Variants in BBS9 observed in about 807,000 individuals in gnomAD.
The protein encoded by BBS9 is protein PTHB1.
Under a neutral mutation model 117.7 loss-of-function variants are expected in BBS9, and 89 were observed. That is an observed-to-expected ratio of 0.76 (90% CI 0.64 to 0.90). The LOEUF (loss-of-function observed/expected upper bound fraction) is 0.90, where lower values mean the gene tolerates loss of function less well. BBS9 is among the 40% of genes least tolerant of loss of function. The probability of loss-of-function intolerance (pLI) is 0.00; values close to 1 mark genes in which losing one functional copy is unlikely to be tolerated. For synonymous variants in BBS9, 379 were observed against 370.9 expected, an observed-to-expected ratio of 1.02 and a Z score of -0.25; for missense variants, 982 against 1,042.2, an observed-to-expected ratio of 0.94 and a Z score of 0.80.
chr7:33,245,031 C>G (rs991981268), intron 5 of BBS9, among the ~76,000 whole-genome samples: 1 of 152,042 alleles, frequency 6.6e-6, no homozygotes, highest in African/African-American at 2.4e-5. Context: ...AGACTTTGTA[C>G]CCAGGCTCTA....
At chr7:33,333,976 T>A (rs1814716616) in intron 9 of BBS9, among the ~76,000 whole-genome samples, 1 of 152,210 alleles carries the variant, frequency 6.6e-6, no homozygotes, top group South Asian at 2.1e-4. Flanking sequence ...TTACCTTAGC[T>A]GTCAAGACAT....
intron 5 of BBS9, among the ~76,000 whole-genome samples, chr7:33,233,376 T>A (rs1418439532): frequency 1.3e-5 from 2 of 152,140 alleles, no homozygotes; most frequent in East Asian, 3.8e-4. Flanking sequence ...AAATAATCTG[T>A]CTAGTATCAT....
intron 21 of BBS9, among the ~76,000 whole-genome samples, chr7:33,569,473 A>G (rs1857421463): frequency 6.6e-6 from 1 of 151,988 alleles, no homozygotes; most frequent in South Asian, 2.1e-4. Flanking sequence ...AAATAAAAAT[A>G]GGCCGGGCGC....
chr7:33,348,557 G>C (rs906248426), intron 12 of BBS9, among the ~76,000 whole-genome samples: 2 of 152,062 alleles, frequency 1.3e-5, no homozygotes, highest in Non-Finnish European at 2.9e-5. Flanking sequence ...ATTTTGGGTG[G>C]ACCTATGTTT....
intron 21 of BBS9, among the ~76,000 whole-genome samples, chr7:33,544,422 G>A (rs747243837): frequency 2.0e-5 from 3 of 152,178 alleles, no homozygotes; most frequent in Non-Finnish European, 2.9e-5. Flanking sequence ...TCCTATGGAT[G>A]TGGCTTTCTG....
chr7:33,377,375 C>T (rs533594100), intron 17 of BBS9, among the ~76,000 whole-genome samples: 2 of 152,200 alleles, frequency 1.3e-5, no homozygotes, highest in Non-Finnish European at 2.9e-5. Context: ...TTCTGTTGGT[C>T]GATTTGTCTG....
intron 2 of BBS9, among the ~76,000 whole-genome samples, chr7:33,148,350 A>G (rs1792750675): frequency 1.3e-5 from 2 of 152,114 alleles, no homozygotes; most frequent in Admixed American, 1.3e-4. Flanking sequence ...TGGGAAGAGT[A>G]GTAGATTCTG....
At chr7:33,239,128 A>G (rs962966410) in intron 5 of BBS9, among the ~76,000 whole-genome samples, 5 of 152,144 alleles carry the variant, frequency 3.3e-5, no homozygotes, top group Non-Finnish European at 5.9e-5. Context: ...ACCAGGTAGT[A>G]TCATTTTTTG....
rs1461390070 is a variant in BBS9 at position 33,611,756 on chromosome 7, ATATTATATAATAT to A, written c.2522-23408_2522-23396del. ...AGGATTATATTTATTCCTTTATATAATATTATATAATATTATTATATAATAATATTATATATGG... is the reference window on the plus strand; with the variant it reads ...AGGATTATATTTATTCCTTTATATAATATTATATAATAATATTATATATGG... On this transcript the variant is annotated intron_variant, in intron 21 of 21. Transcript: ENST00000671952. Among the ~76,000 whole-genome samples the A allele has an allele frequency of 5.2e-3, 726 of 138,676 alleles. 3 individuals carry two copies. The highest frequency in any genetic ancestry group is 8.9e-3 in the Non-Finnish European group (579 of 65,248). 91.0% of individuals were successfully genotyped at this position (138,676 alleles called of 152,430 possible).
intron 21 of BBS9, among the ~76,000 whole-genome samples, chr7:33,634,631 G>GCTGTGTCAC (rs1866055966): frequency 6.6e-6 from 1 of 152,112 alleles, no homozygotes. Flanking sequence ...CCAGGCCCAG[G>GCTGTGTCAC]CTGTGTCACG....
intron 17 of BBS9, among the ~76,000 whole-genome samples, chr7:33,369,408 C>T (rs915037084): frequency 1.3e-5 from 2 of 152,058 alleles, no homozygotes; most frequent in Non-Finnish European, 2.9e-5. Flanking sequence ...CCTGATGTTG[C>T]CCACGATTAC....
chr7:33,167,958 TAAC>T (rs1312437663), intron 4 of BBS9, among the ~76,000 whole-genome samples: 1 of 152,202 alleles, frequency 6.6e-6, no homozygotes, highest in Non-Finnish European at 1.5e-5. Flanking sequence ...TATAATAACA[TAAC>T]AACCATAAAT....
At chr7:33,492,270 A>C (rs1844090972) in intron 19 of BBS9, among the ~76,000 whole-genome samples, 2 of 151,826 alleles carry the variant, frequency 1.3e-5, no homozygotes, top group South Asian at 4.2e-4. Flanking sequence ...ATAATAAATA[A>C]TAATAATAAT....
At chr7:33,338,515 A>G (rs1815845916) in intron 10 of BBS9, among the ~76,000 whole-genome samples, 1 of 152,174 alleles carries the variant, frequency 6.6e-6, no homozygotes, top group African/African-American at 2.4e-5. Flanking sequence ...CAGTACTTAA[A>G]GCTTTTAAAA....
At chr7:33,185,377 A>G (rs1798676616) in intron 5 of BBS9, among the ~76,000 whole-genome samples, 1 of 152,154 alleles carries the variant, frequency 6.6e-6, no homozygotes, top group Admixed American at 6.5e-5. Context: ...CTTTTTACAT[A>G]AATCTTTATC....
At chr7:33,209,588 T>C (rs889400340) in intron 5 of BBS9, among the ~76,000 whole-genome samples, 2 of 152,208 alleles carry the variant, frequency 1.3e-5, no homozygotes, top group African/African-American at 4.8e-5. Context: ...TTTTCTCCAC[T>C]TTCTCAGCAG....
chr7:33,526,209 A>G (rs1187319927), intron 20 of BBS9, among the ~76,000 whole-genome samples: 1 of 152,040 alleles, frequency 6.6e-6, no homozygotes, highest in African/African-American at 2.4e-5. Flanking sequence ...ACTTTGGTGA[A>G]TCTGACAATT....
chr7:33,330,067 G>A (rs1308043005), intron 9 of BBS9, among the ~76,000 whole-genome samples: 2 of 151,766 alleles, frequency 1.3e-5, no homozygotes, highest in African/African-American at 4.8e-5. Flanking sequence ...GGGCTGGAGT[G>A]CAGTGGCATG....
intron 21 of BBS9, among the ~76,000 whole-genome samples, chr7:33,601,521 T>A (rs1863788969): frequency 6.6e-6 from 1 of 152,056 alleles, no homozygotes; most frequent in Non-Finnish European, 1.5e-5. Context: ...CAAATACATA[T>A]TTTTTTCCTA....
Sources: allele counts gnomAD v4.1 joint callset (sites outside exome capture counted in the v4.1 genomes callset), GRCh38; gene constraint gnomAD v4.1.1; transcripts MANE v1.5; gene names NCBI Gene and HGNC (gene_info 2026-07-23, HGNC 2026-07-21).